Variants in ITPR1 observed in about 807,000 individuals in gnomAD.
ITPR1 encodes inositol 1,4,5-trisphosphate receptor type 1, also known as inositol 1,4,5-trisphosphate-gated calcium channel ITPR1.
A neutral mutation model predicts 318.4 loss-of-function variants in ITPR1; 96 were observed. The ratio of observed to expected loss-of-function variants is 0.30; its 90% CI spans 0.26 to 0.36. The LOEUF (loss-of-function observed/expected upper bound fraction) is 0.36, where lower values mean the gene tolerates loss of function less well. ITPR1 is among the 10% of genes least tolerant of loss of function. The probability of loss-of-function intolerance (pLI) is 1.00; values close to 1 mark genes in which losing one functional copy is unlikely to be tolerated. For missense variants in ITPR1, 2,440 were observed against 3,460.2 expected (o/e 0.71, Z 7.40); for synonymous variants, 1,312 against 1,289.9 (o/e 1.02, Z -0.37).
At chr3:4,567,418 T>TTAAATTGTTGTAGGAA (rs1427102362) in intron 4 of ITPR1, among the ~76,000 whole-genome samples, 2 of 152,070 alleles carry the variant, frequency 1.3e-5, no homozygotes, top group African/African-American at 4.8e-5. Flanking sequence ...TCTTGCAACT[T>TTAAATTGTTGTAGGAA]TAAATTGTTG....
intron 4 of ITPR1, among the ~76,000 whole-genome samples, chr3:4,622,065 C>T (rs2092656208): frequency 6.6e-6 from 1 of 151,368 alleles, no homozygotes; most frequent in Non-Finnish European, 1.5e-5. Context: ...AACTGGATCC[C>T]TGCTGTATTT....
At chr3:4,706,115 G>T in intron 36 of ITPR1, 52 bp from the exon 37 acceptor site, 1 of 1,598,730 alleles carries the variant, frequency 6.3e-7, no homozygotes, top group South Asian at 1.1e-5. Context: ...TCCATCTGTA[G>T]GGTGTCCCCC....
At chr3:4,753,176 C>T (rs143000938) in intron 44 of ITPR1, among the ~76,000 whole-genome samples, 1 of 152,282 alleles carries the variant, frequency 6.6e-6, no homozygotes, top group Non-Finnish European at 1.5e-5. Flanking sequence ...ACGCGGTCTA[C>T]CCCATGGTGG....
At chr3:4,574,632 A>G (rs767456186) in intron 4 of ITPR1, among the ~76,000 whole-genome samples, 22 of 152,206 alleles carry the variant, frequency 1.4e-4, no homozygotes, top group African/African-American at 1.9e-4. Context: ...TTTGTGATGA[A>G]GTTGTTCTGA....
chr3:4,591,033 C>T (rs965067094), intron 4 of ITPR1, among the ~76,000 whole-genome samples: 25 of 152,146 alleles, frequency 1.6e-4, no homozygotes, highest in African/African-American at 4.8e-4. Context: ...CAGCTCCATT[C>T]GTGTTCCCGC....
intron 42 of ITPR1, among the ~76,000 whole-genome samples, chr3:4,731,093 T>C (rs2042896789): frequency 6.6e-6 from 1 of 152,256 alleles, no homozygotes. Context: ...TCATATTTAA[T>C]CTATCATATT....
intron 60 of ITPR1, among the ~76,000 whole-genome samples, chr3:4,835,715 C>CT (rs1168234800): frequency 6.6e-6 from 1 of 152,194 alleles, no homozygotes; most frequent in Non-Finnish European, 1.5e-5. Flanking sequence ...GCTTTTCTTA[C>CT]TGTTCATTCC....
rs1575951897 is a variant in ITPR1, at chr3:4,658,296, CT to C, written c.1151+22del. ...GTCCCAAGGTATCATTTTAAAATTG[CT>C]TTTCCCCAAAGAATCAGGCCTGGTG... On this transcript the variant is annotated intron_variant, in intron 13 of 61. Transcript: ENST00000649015. 1.3e-6 allele frequency: 2 copies of C among 1,592,828 alleles called. No individual in the cohort carries two copies. Among genetic ancestry groups the C allele is most frequent in the Middle Eastern group, 1.7e-4 (1 of 5,744 alleles).
intron 40 of ITPR1, among the ~76,000 whole-genome samples, chr3:4,722,479 G>A (rs370286199): frequency 4.6e-4 from 68 of 148,260 alleles, no homozygotes; most frequent in African/African-American, 1.4e-3. Flanking sequence ...TGTAAAAAAC[G>A]TGACAATAAA....
chr3:4,806,994 C>G (rs574395713), intron 55 of ITPR1, among the ~76,000 whole-genome samples: 1 of 151,612 alleles, frequency 6.6e-6, no homozygotes, highest in Non-Finnish European at 1.5e-5. Context: ...GCAAGCAACA[C>G]CATAAACAGC....
chr3:4,777,539 C>A (rs2125390167), intron 48 of ITPR1, among the ~76,000 whole-genome samples, 165 bp downstream of exon 48: 1 of 152,340 alleles, frequency 6.6e-6, no homozygotes, highest in East Asian at 1.9e-4. Context: ...AGAACTCCAA[C>A]CTTTCTCTTC....
intron 5 of ITPR1, among the ~76,000 whole-genome samples, chr3:4,633,494 G>A (rs943147762): frequency 3.9e-5 from 6 of 152,112 alleles, no homozygotes; most frequent in African/African-American, 1.2e-4. Flanking sequence ...TTAAATTAAT[G>A]CCATTTAAGG....
chr3:4,642,936 A>G (rs148652930), intron 7 of ITPR1, among the ~76,000 whole-genome samples: 1 of 152,340 alleles, frequency 6.6e-6, no homozygotes, highest in East Asian at 1.9e-4. Context: ...GCTGCTTTTT[A>G]TTGAAAAATA....
intron 39 of ITPR1, among the ~76,000 whole-genome samples, chr3:4,716,136 G>A (rs1420298308): frequency 6.6e-6 from 1 of 152,010 alleles, no homozygotes; most frequent in Admixed American, 6.6e-5. Flanking sequence ...AATTATATCA[G>A]GACTTTATAA....
At chr3:4,580,866 C>T (rs773412138) in intron 4 of ITPR1, among the ~76,000 whole-genome samples, 116 of 151,916 alleles carry the variant, frequency 7.6e-4, no homozygotes, top group Admixed American at 2.0e-3. Context: ...GAGCAGATTC[C>T]GACAGTAAGA....
chr3:4,673,476 A>C, intron 21 of ITPR1, 89 bp downstream of exon 21: 1 of 1,285,642 alleles, frequency 7.8e-7, no homozygotes, highest in South Asian at 2.4e-5. Context: ...TAGAAGAAAG[A>C]TGAAGTGTTG....
intron 44 of ITPR1, among the ~76,000 whole-genome samples, chr3:4,763,188 C>T (rs2045570867): frequency 6.6e-6 from 1 of 152,096 alleles, no homozygotes; most frequent in African/African-American, 2.4e-5. Context: ...ACAACACACA[C>T]TGGGTCCTGT....
chr3:4,706,058 C>T lies in ITPR1; in HGVS notation c.4658-109C>T. ...TAAGCTCAATACCAGGCAAGCTGGC[C>T]CATTCTGGGTGTGAAAAACCTGCTG... is the stretch of plus-strand genomic sequence containing the variant. On this transcript the variant is annotated intron_variant, in intron 36 of 61. Transcript: ENST00000649015. 6.3e-6 allele frequency: 7 copies of T among 1,115,852 alleles called. No individual in the cohort carries two copies. The South Asian group carries it at 7.4e-5, about 12-fold the overall frequency. The allele number at this position is 1,115,852 out of a possible 1,614,324, so 69.1% of individuals were successfully genotyped here.
intron 44 of ITPR1, among the ~76,000 whole-genome samples, chr3:4,739,161 C>A (rs1274190729): frequency 6.6e-6 from 1 of 152,188 alleles, no homozygotes; most frequent in Non-Finnish European, 1.5e-5. Context: ...TTTCGTCTTG[C>A]TGTTGAGAAG....
Sources: gnomAD v4.1 joint callset for allele counts (sites outside exome capture counted in the v4.1 genomes callset) on GRCh38, gnomAD v4.1.1 for gene constraint, MANE v1.5 for transcripts, NCBI Gene and HGNC (gene_info 2026-07-23, HGNC 2026-07-21) for gene names.